TBC1D24: variants seen among roughly 807,000 people sequenced by gnomAD.
TBC1D24 encodes the protein TBC1 domain family member 24, also known as Infantile myoclonic epilepsy.
TBC1D24 carries 47 observed loss-of-function variants against 50.7 expected under a neutral mutation model. The observed-to-expected ratio is 0.93, with a 90% CI of 0.73 to 1.18. The LOEUF (loss-of-function observed/expected upper bound fraction) is 1.18, where lower values mean the gene tolerates loss of function less well. TBC1D24 is among the 50% of genes most tolerant of loss of function. The pLI, the probability that TBC1D24 is intolerant of heterozygous loss-of-function variation, is 0.00. For synonymous variants in TBC1D24, 324 were observed against 335.2 expected, an observed-to-expected ratio of 0.97 and a Z score of 0.36; for missense variants, 688 against 766.5, an observed-to-expected ratio of 0.90 and a Z score of 1.21.
rs763240147 is a variant in TBC1D24, at chr16:2,487,112, C to T, written c.-115-8922C>T. ...CCCAGCCCCTCAGCACTGCCAGGGC[C>T]GCCCAGCTCGCCTTCGCCCACTCTT... On this transcript the variant is annotated intron_variant, in intron 1 of 7. Transcript: ENST00000646147. The surrounding 1 kb of genome is among the most constrained non-coding windows in gnomAD (Gnocchi z 4.1). 3.2e-4 allele frequency among the ~76,000 whole-genome samples: 48 copies of T among 152,362 alleles called. No individual in the cohort carries two copies. Among genetic ancestry groups the T allele is most frequent in the Non-Finnish European group, 5.1e-4 (35 of 68,030 alleles).
chr16:2,500,481 C>A lies in TBC1D24; in HGVS notation c.1516C>A (p.Leu506Ile). 1 of 1,567,038 alleles carries A rather than the reference C, an allele frequency of 6.4e-7. No homozygotes were observed. The highest frequency in any genetic ancestry group is 8.6e-7 in the Non-Finnish European group (1 of 1,156,694). Residue 506 changes from leucine (L) to isoleucine (I), a missense_variant, in exon 7 of 8, where the codon CTC becomes ATC. Transcript: ENST00000646147. The surrounding 1 kb of genome is among the most constrained non-coding windows in gnomAD (Gnocchi z 8.0). ...SMFMAGGSDC[L>I]IVGGGGGQAL... The stretch of plus-strand genomic sequence containing the variant: ...GTTCATGGCGGGGGGCAGCGACTGC[C>A]TCATCGTCGGTGAGCGCCAGCAGAC...
intron 4 of TBC1D24, among the ~76,000 whole-genome samples, chr16:2,498,784 G>A (rs954313220): frequency 7.9e-5 from 12 of 152,364 alleles, no homozygotes; most frequent in African/African-American, 2.9e-4. Context: ...GGTGCTGCCA[G>A]GTGCAGCCAG....
Position 2,502,027 on chromosome 16 carries a change from C to T in TBC1D24, c.*1069C>T, listed in dbSNP as rs2065798220. On this transcript the variant is annotated 3_prime_UTR_variant, in exon 8 of 8. Transcript: ENST00000646147. ...TTCTCTGCACCAGGCCCCGTGCCCT[C>T]CCCTGGCCCTGGCCACACAGCACCT... The T allele has an allele frequency of 1.3e-5, 2 of 152,922 alleles. 1 individual carries two copies. Among genetic ancestry groups the T allele is most frequent in the South Asian group, 4.1e-4 (2 of 4,842 alleles). 9.5% of individuals were successfully genotyped at this position (152,922 alleles called of 1,614,324 possible). A position where few individuals can be genotyped will look rare whatever the true frequency, so the allele number is the denominator to read the frequency against.
Position 2,475,475 on chromosome 16 carries a change from G to A in TBC1D24, c.-116+305G>A, listed in dbSNP as rs1412569970. On this transcript the variant is annotated intron_variant, in intron 1 of 7. Transcript: ENST00000646147. This position sits in a 1 kb window ranked among gnomAD's most constrained non-coding sequence, Gnocchi z 4.2. ...CCGGCCCAGGGCATGGTGTCGTCTG[G>A]AAGAGTGACTGTGTCACTGTTTCCT... is the stretch of plus-strand genomic sequence containing the variant. Among the ~76,000 whole-genome samples, 5 of 151,958 alleles carry A rather than the reference G, an allele frequency of 3.3e-5. No individual in the cohort carries two copies. Among genetic ancestry groups the A allele is most frequent in the Non-Finnish European group, 7.4e-5 (5 of 67,942 alleles).
At chr16:2,492,635 C>T (rs73490278) in intron 1 of TBC1D24, among the ~76,000 whole-genome samples, 6,825 of 152,194 alleles carry the variant, frequency 0.045, 531 homozygotes, top group African/African-American at 0.15. Context: ...GTGACCCAGG[C>T]GTGGCTGTGC....
At chr16:2,498,097 C>T (rs1370560374) in intron 3 of TBC1D24, 141 bp from the exon 4 acceptor site, 59 of 1,128,110 alleles carry the variant, frequency 5.2e-5, no homozygotes, top group South Asian at 5.0e-4. Context: ...ACCTAGAACC[C>T]GGCCCTAAAC....
At position 2,475,570 on chromosome 16, in the gene TBC1D24, A is replaced by C. The variant is rs546414551; in HGVS notation, c.-116+400A>C. 6.6e-6 allele frequency among the ~76,000 whole-genome samples: 1 copy of C among 151,852 alleles called. No individual in the cohort carries two copies. The highest frequency in any genetic ancestry group is 2.4e-5 in the African/African-American group (1 of 41,308). ...CTCGGTGAGATTGCAACAGATTCTG[A>C]TACGCCCTGCCCTGTGGACCTGCAG... On this transcript the variant is annotated intron_variant, in intron 1 of 7. Coordinates refer to ENST00000646147, the MANE Select transcript of TBC1D24 (RefSeq NM_001199107.2). The surrounding 1 kb of genome is among the most constrained non-coding windows in gnomAD (Gnocchi z 4.2).
chr16:2,498,266 G>A lies in TBC1D24; in HGVS notation c.1012G>A (p.Glu338Lys), dbSNP rs754391047. The A allele has an allele frequency of 1.2e-6, 2 of 1,611,472 alleles. No homozygotes were observed. Among genetic ancestry groups the A allele is most frequent in the Non-Finnish European group, 8.5e-7 (1 of 1,178,840 alleles). Reference sequence around the variant, plus strand: ...GTTTGTACACTTGGCCGTCCATGCAGAGAACTTCCGCTCGGAGATCGTCAG... The same window carrying A: ...GTTTGTACACTTGGCCGTCCATGCAAAGAACTTCCGCTCGGAGATCGTCAG... ...RQFVHLAVHA[E>K]NFRSEIVSVR... Residue 338 changes from glutamate to lysine, a missense_variant, in exon 4 of 8, where the codon GAG (glutamate) becomes AAG (lysine). Transcript: ENST00000646147.
intron 1 of TBC1D24, among the ~76,000 whole-genome samples, chr16:2,495,005 C>CAA (rs1179494944): frequency 2.2e-5 from 3 of 133,776 alleles, no homozygotes; most frequent in Non-Finnish European, 4.6e-5. Flanking sequence ...GACCCCATCA[C>CAA]ACACACACAC....
rs1407044420 is a variant in TBC1D24 at position 2,485,668 on chromosome 16, A to C, written c.-115-10366A>C. ...AGACGTGGGGGGCTTGTGGGATCTG[A>C]GCTATCTCCAGGTAGATGTCTCCCG... On this transcript the variant is annotated intron_variant, in intron 1 of 7. Coordinates refer to ENST00000646147, the MANE Select transcript of TBC1D24 (RefSeq NM_001199107.2). The surrounding 1 kb of genome is among the most constrained non-coding windows in gnomAD (Gnocchi z 4.6). Among the ~76,000 whole-genome samples, 1 of 152,020 alleles carries C rather than the reference A, an allele frequency of 6.6e-6. No homozygotes were observed. The highest frequency in any genetic ancestry group is 2.4e-5 in the African/African-American group (1 of 41,348).
At chr16:2,494,769 G>A (rs1365257745) in intron 1 of TBC1D24, among the ~76,000 whole-genome samples, 2 of 152,102 alleles carry the variant, frequency 1.3e-5, no homozygotes, top group Non-Finnish European at 2.9e-5. Context: ...CAGAATCTGT[G>A]TGATGTATTC....
chr16:2,495,909 A>G, intron 1 of TBC1D24, 125 bp from the exon 2 acceptor site: 1 of 517,748 alleles, frequency 1.9e-6, no homozygotes, highest in Non-Finnish European at 3.4e-6. Context: ...CCGCACTCCA[A>G]CCTGGGCAAC....
intron 1 of TBC1D24, among the ~76,000 whole-genome samples, chr16:2,490,484 C>G (rs764098401): frequency 2.9e-4 from 44 of 152,194 alleles, no homozygotes; most frequent in Non-Finnish European, 5.6e-4. Context: ...TGGCTTCCCC[C>G]ACAGGAGGCA....
In TBC1D24 at chr16:2,499,074, T is replaced by C. The variant is rs967294108; in HGVS notation, c.1143-283T>C. Among the ~76,000 whole-genome samples, 2 of 152,222 alleles carry C rather than the reference T, an allele frequency of 1.3e-5. No homozygotes were observed. Among genetic ancestry groups the C allele is most frequent in the Non-Finnish European group, 2.9e-5 (2 of 68,024 alleles). ...CCCAAACCTCCCCACCGCAGGGACC[T>C]GTTCCTCTGGTTCCTGCTTCCCCAG... On this transcript the variant is annotated intron_variant, in intron 4 of 7. Transcript: ENST00000646147. The surrounding 1 kb of genome is among the most constrained non-coding windows in gnomAD (Gnocchi z 4.0).
In TBC1D24 at chr16:2,499,461, T is replaced by C; in HGVS notation, c.1206+41T>C. The C allele has an allele frequency of 6.4e-7, 1 of 1,560,092 alleles. No homozygotes were observed. Among genetic ancestry groups the C allele is most frequent in the Non-Finnish European group, 8.8e-7 (1 of 1,138,816 alleles). The stretch of plus-strand genomic sequence containing the variant: ...GGAGCCAGGGCTGGCTCTGATGGGC[T>C]CCAGGGCTGGCTCTGATGGGCTCCA... On this transcript the variant is annotated intron_variant, in intron 5 of 7. Transcript: ENST00000646147. The surrounding 1 kb of genome is among the most constrained non-coding windows in gnomAD (Gnocchi z 4.0).
At position 2,496,782 on chromosome 16, in the gene TBC1D24, T is replaced by C; in HGVS notation, c.634T>C (p.Trp212Arg). Residue 212 changes from tryptophan (W) to arginine (R), a missense_variant, in exon 2 of 8, where the codon TGG (tryptophan) becomes CGG (arginine). Coordinates refer to ENST00000646147, the MANE Select transcript of TBC1D24 (RefSeq NM_001199107.2). ...SEDVLQVYAD[W>R]QRWLFGELPL... is the part of the protein sequence containing the mutation. ...GGATGTCCTGCAGGTCTATGCGGACTGGCAGCGCTGGCTGTTTGGGGAGCT... is the reference window on the plus strand; with the variant it reads ...GGATGTCCTGCAGGTCTATGCGGACCGGCAGCGCTGGCTGTTTGGGGAGCT... 6.2e-7 allele frequency: 1 copy of C among 1,614,020 alleles called. No individual in the cohort carries two copies. The highest frequency in any genetic ancestry group is 1.1e-5 in the South Asian group (1 of 91,080).
At chr16:2,489,063 CCTT>C (rs2065675085) in intron 1 of TBC1D24, among the ~76,000 whole-genome samples, 1 of 146,960 alleles carries the variant, frequency 6.8e-6, no homozygotes, top group Non-Finnish European at 1.5e-5. Flanking sequence ...GAGTGAGACT[CCTT>C]CTCAAAAAAA....
At chr16:2,495,793 A>G (rs2065731784) in intron 1 of TBC1D24, among the ~76,000 whole-genome samples, 1 of 151,628 alleles carries the variant, frequency 6.6e-6, no homozygotes, top group Non-Finnish European at 1.5e-5. Context: ...AAAAAAATTA[A>G]CTGGGCATGG....
At chr16:2,488,493 CTTTTTTTTTTT>C (rs34983305) in intron 1 of TBC1D24, among the ~76,000 whole-genome samples, 15 of 100,730 alleles carry the variant, frequency 1.5e-4, no homozygotes, top group East Asian at 5.5e-4. Context: ...TCGCACATAG[CTTTTTTTTTTT>C]TTTTTTTTTT....
Sources: gnomAD v4.1 joint callset for allele counts (sites outside exome capture counted in the v4.1 genomes callset) on GRCh38, gnomAD v4.1.1 for gene constraint, Gnocchi (gnomAD v3.1) non-coding constraint, MANE v1.5 for transcripts, NCBI Gene and HGNC (gene_info 2026-07-23, HGNC 2026-07-21) for gene names.